ZSWIM4: variants seen among roughly 807,000 people sequenced by gnomAD.
ZSWIM4 encodes the protein zinc finger SWIM domain-containing protein 4.
In ZSWIM4, 62 loss-of-function variants were observed where a neutral mutation model predicts 102.5. The observed-to-expected ratio is 0.60, with a 90% CI of 0.49 to 0.75. The LOEUF is 0.75. ZSWIM4 is among the 30% of genes least tolerant of loss of function. ZSWIM4 has a pLI of 0.00. For missense variants in ZSWIM4, 1,280 were observed against 1,529.6 expected (o/e 0.84, Z 2.72); for synonymous variants, 652 against 674.5 (o/e 0.97, Z 0.52).
chr19:13,795,848 C>G, intron 1 of ZSWIM4, 47 bp downstream of exon 1: 1 of 1,159,654 alleles, frequency 8.6e-7, no homozygotes, highest in East Asian at 3.5e-5. Flanking sequence ...CCCCCAGCAC[C>G]TTCCCCACCT....
chr19:13,819,519 C>A, intron 10 of ZSWIM4, 27 bp downstream of exon 10: 1 of 1,566,154 alleles, frequency 6.4e-7, no homozygotes, highest in Non-Finnish European at 8.7e-7. Context: ...AAGGCAGTGG[C>A]AGGGGGAGCT....
chr19:13,795,726 G>A lies in ZSWIM4; in HGVS notation c.78G>A (p.Ala26=). 1 of 1,215,544 alleles carries A rather than the reference G, an allele frequency of 8.2e-7. No individual in the cohort carries two copies. The highest frequency in any genetic ancestry group is 1.0e-6 in the Non-Finnish European group (1 of 976,222). 75.3% of individuals were successfully genotyped at this position (1,215,544 alleles called of 1,614,324 possible). ...AGCGCGATGCCGGGGCCGGGGCCGC[G>A]CGTGGCCGGGGCCGGCCCGAGGCGC... The part of the protein sequence containing the change: ...PEERDAGAGA[A]RGRGRPEALL... Residue 26 remains alanine (A), a synonymous_variant, in exon 1 of 14, where the codon GCG becomes GCA. Transcript: ENST00000590508.
intron 3 of ZSWIM4, among the ~76,000 whole-genome samples, chr19:13,806,273 C>T (rs1289945783): frequency 2.0e-5 from 3 of 151,658 alleles, no homozygotes; most frequent in African/African-American, 7.3e-5. Flanking sequence ...GAACTTCTGA[C>T]CTCAGGTGAT....
chr19:13,820,337 G>A (rs934324137), intron 10 of ZSWIM4, among the ~76,000 whole-genome samples: 1 of 151,958 alleles, frequency 6.6e-6, no homozygotes, highest in Non-Finnish European at 1.5e-5. Flanking sequence ...CCAGGCTCAA[G>A]CGATCCTCCC....
chr19:13,803,465 G>A (rs968414101), intron 2 of ZSWIM4, among the ~76,000 whole-genome samples: 3 of 152,120 alleles, frequency 2.0e-5, no homozygotes, highest in African/African-American at 7.2e-5. Flanking sequence ...GTCATGGTAT[G>A]ATACTATTCA....
At chr19:13,830,132 T>TG in intron 13 of ZSWIM4, 59 bp from the exon 14 acceptor site, 1 of 1,563,118 alleles carries the variant, frequency 6.4e-7, no homozygotes, top group South Asian at 1.2e-5. Context: ...AACCCACGCA[T>TG]ACATGTACGT....
chr19:13,808,664 G>A (rs1974981951), intron 3 of ZSWIM4, among the ~76,000 whole-genome samples, 172 bp from the exon 4 acceptor site: 3 of 151,292 alleles, frequency 2.0e-5, no homozygotes, highest in South Asian at 2.1e-4. Flanking sequence ...ACTTGAACCC[G>A]GGAGGCAGAG....
rs553390545 is a variant in ZSWIM4, at chr19:13,798,840, G to A, written c.154-880G>A. On this transcript the variant is annotated intron_variant, in intron 1 of 13. Transcript: ENST00000590508. ...GTCTCGCTCCGTGGCCCAGACTGGA[G>A]TGCAATGGCGCAATCTCGGCTCACT... Among the ~76,000 whole-genome samples the A allele has an allele frequency of 4.6e-5, 7 of 152,322 alleles. No individual in the cohort carries two copies. The South Asian group carries it at 1.2e-3, about 27-fold the overall frequency.
chr19:13,829,324 C>T (rs771856714), intron 13 of ZSWIM4, among the ~76,000 whole-genome samples: 1 of 152,048 alleles, frequency 6.6e-6, no homozygotes, highest in Non-Finnish European at 1.5e-5. Context: ...GGCGCAGTGG[C>T]TCACACCTGT....
At chr19:13,797,535 T>C (rs1974643398) in intron 1 of ZSWIM4, among the ~76,000 whole-genome samples, 1 of 152,222 alleles carries the variant, frequency 6.6e-6, no homozygotes, top group Non-Finnish European at 1.5e-5. Context: ...GTGTTCAATC[T>C]TTTAGCTTCC....
chr19:13,830,660 C>T lies in ZSWIM4; in HGVS notation c.2931C>T (p.His977=), dbSNP rs781690262. Residue 977 remains histidine, a synonymous_variant, in exon 14 of 14, where the codon CAC becomes CAT. Transcript: ENST00000590508. ...CTCTCAGCCACTCCCTGGGCCGGCA[C>T]GAGCTCTCTGCCATCGTCCCCCTCA... is the stretch of plus-strand genomic sequence containing the variant. The part of the protein sequence containing the change: ...ACSLSHSLGR[H]ELSAIVPLII... 6.2e-7 allele frequency: 1 copy of T among 1,603,052 alleles called. No homozygotes were observed. Among genetic ancestry groups the T allele is most frequent in the South Asian group, 1.1e-5 (1 of 91,014 alleles).
chr19:13,830,649 C>T lies in ZSWIM4; in HGVS notation c.2920C>T (p.Leu974=), dbSNP rs1218487077. 6.2e-7 allele frequency: 1 copy of T among 1,601,976 alleles called. No homozygotes were observed. Among genetic ancestry groups the T allele is most frequent in the Non-Finnish European group, 8.5e-7 (1 of 1,179,746 alleles). ...TTGGGCCTGCTCTCTCAGCCACTCCCTGGGCCGGCACGAGCTCTCTGCCAT... is the reference window on the plus strand; with the variant it reads ...TTGGGCCTGCTCTCTCAGCCACTCCTTGGGCCGGCACGAGCTCTCTGCCAT... ...VLWACSLSHS[L]GRHELSAIVP... is the part of the protein sequence containing the mutation. Residue 974 remains leucine, a synonymous_variant, in exon 14 of 14, where the codon CTG becomes TTG. Transcript: ENST00000590508.
intron 1 of ZSWIM4, among the ~76,000 whole-genome samples, chr19:13,796,240 C>T (rs1209187626): frequency 6.6e-6 from 1 of 151,048 alleles, no homozygotes; most frequent in African/African-American, 2.4e-5. Flanking sequence ...CTTTTCCTAC[C>T]GCATCTTTAT....
At position 13,809,991 on chromosome 19, in the gene ZSWIM4, CT is replaced by C. The variant is rs368996612; in HGVS notation, c.1012+784del. Among the ~76,000 whole-genome samples, 1,574 of 142,634 alleles carry C rather than the reference CT, an allele frequency of 0.011. 20 individuals carry two copies. Among genetic ancestry groups the C allele is most frequent in the African/African-American group, 0.036 (1,391 of 38,714 alleles). 93.6% of individuals were successfully genotyped at this position (142,634 alleles called of 152,430 possible). ...TTGTTTGTTTGTTTTCTTTTCTTTT[CT>C]TTTTTTTTTTTTGAGAAGGAGTCTC... On this transcript the variant is annotated intron_variant, in intron 5 of 13. Coordinates refer to ENST00000590508, the MANE Select transcript of ZSWIM4 (RefSeq NM_001367834.3). This position sits in a 1 kb window ranked among gnomAD's most constrained non-coding sequence, Gnocchi z 4.2.
At chr19:13,822,163 TACACACACACACACACACAC>T (rs59602194) in intron 10 of ZSWIM4, among the ~76,000 whole-genome samples, 5 of 142,280 alleles carry the variant, frequency 3.5e-5, no homozygotes, top group South Asian at 4.8e-4. Flanking sequence ...CACACACACA[TACACACACACACACACACAC>T]ACACACACAC....
At chr19:13,802,326 C>T (rs1974795225) in intron 2 of ZSWIM4, among the ~76,000 whole-genome samples, 1 of 150,860 alleles carries the variant, frequency 6.6e-6, no homozygotes, top group Non-Finnish European at 1.5e-5. Context: ...GTGGCTCACA[C>T]CTGTAATCCC....
At chr19:13,821,284 CAAAA>C (rs796387107) in intron 10 of ZSWIM4, among the ~76,000 whole-genome samples, 1 of 62,278 alleles carries the variant, frequency 1.6e-5, no homozygotes, top group Admixed American at 1.8e-4. Flanking sequence ...ACTCTGTCTC[CAAAA>C]AAAAAAAAAA....
intron 12 of ZSWIM4, among the ~76,000 whole-genome samples, chr19:13,828,407 CAAA>C (rs201879251): frequency 1.4e-5 from 2 of 146,682 alleles, no homozygotes; most frequent in African/African-American, 5.0e-5. Context: ...GATTCCATCT[CAAA>C]AAAAAACAAA....
intron 3 of ZSWIM4, among the ~76,000 whole-genome samples, chr19:13,808,236 A>G (rs1974971154): frequency 6.6e-6 from 1 of 152,072 alleles, no homozygotes; most frequent in Non-Finnish European, 1.5e-5. Context: ...GGAGACACAG[A>G]GCCAAACCAT....
Sources: gnomAD v4.1 joint callset for allele counts (sites outside exome capture counted in the v4.1 genomes callset) on GRCh38, gnomAD v4.1.1 for gene constraint, Gnocchi (gnomAD v3.1) non-coding constraint, MANE v1.5 for transcripts, NCBI Gene and HGNC (gene_info 2026-07-23, HGNC 2026-07-21) for gene names.